FHIT: variants seen among roughly 807,000 people sequenced by gnomAD.
FHIT encodes the protein fragile histidine triad diadenosine triphosphatase, also known as bis(5'-adenosyl)-triphosphatase.
FHIT carries 19 observed loss-of-function variants against 17.9 expected under a neutral mutation model. That is an observed-to-expected ratio of 1.06 (90% CI 0.74 to 1.56). FHIT has a LOEUF of 1.56. Ranked by LOEUF, FHIT falls within the 40% of genes most tolerant of loss-of-function variation. The probability of loss-of-function intolerance (pLI) is 0.00; values close to 1 mark genes in which losing one functional copy is unlikely to be tolerated. For missense variants in FHIT, 248 were observed against 189.2 expected, an observed-to-expected ratio of 1.31 and a Z score of -1.82; for synonymous variants, 81 against 69.7, an observed-to-expected ratio of 1.16 and a Z score of -0.81.
At chr3:60,372,119 A>C (rs1037342754) in intron 5 of FHIT, among the ~76,000 whole-genome samples, 1 of 152,154 alleles carries the variant, frequency 6.6e-6, no homozygotes, top group African/African-American at 2.4e-5. Context: ...CTTTTACCCA[A>C]ATGGTCTCTG....
chr3:60,898,583 T>G (rs1269339409), intron 3 of FHIT, among the ~76,000 whole-genome samples: 1 of 152,190 alleles, frequency 6.6e-6, no homozygotes, highest in Non-Finnish European at 1.5e-5. Context: ...ATAAGCAAAT[T>G]TAGAACAAAA....
At chr3:60,354,755 T>A (rs533188151) in intron 5 of FHIT, among the ~76,000 whole-genome samples, 1 of 152,316 alleles carries the variant, frequency 6.6e-6, no homozygotes, top group South Asian at 2.1e-4. Flanking sequence ...TGATGGCTGA[T>A]TCTGCTTAAC....
intron 5 of FHIT, among the ~76,000 whole-genome samples, chr3:60,472,901 T>C (rs919903797): frequency 6.6e-6 from 1 of 152,092 alleles, no homozygotes; most frequent in African/African-American, 2.4e-5. Flanking sequence ...GAAAAACAAA[T>C]GCCTCAAATA....
At position 60,317,328 on chromosome 3, in the gene FHIT, T is replaced by C. The variant is rs117624733; in HGVS notation, c.103+219532A>G. On this transcript the variant is annotated intron_variant, in intron 5 of 9. Transcript: ENST00000492590. ...GATTCTATTCATCCTGGACTGACAA[T>C]TGTTATCTTTGTAATTGATAAATGA... Among the ~76,000 whole-genome samples the C allele has an allele frequency of 1.1e-3, 168 of 151,914 alleles. No homozygotes were observed. The East Asian group carries it at 0.018, about 16-fold the overall frequency.
chr3:60,260,934 G>C (rs1706260805), intron 5 of FHIT, among the ~76,000 whole-genome samples: 2 of 151,986 alleles, frequency 1.3e-5, no homozygotes, highest in South Asian at 4.1e-4. Context: ...AAATGCCATG[G>C]CAAAGTCTGG....
intron 5 of FHIT, among the ~76,000 whole-genome samples, chr3:60,248,485 A>G (rs1705519268): frequency 6.6e-6 from 1 of 152,142 alleles, no homozygotes; most frequent in South Asian, 2.1e-4. Flanking sequence ...TCAGAAAGAG[A>G]ACAAAGGAGA....
At chr3:60,712,399 A>C (rs1472972386) in intron 4 of FHIT, among the ~76,000 whole-genome samples, 1 of 152,090 alleles carries the variant, frequency 6.6e-6, no homozygotes, top group Admixed American at 6.5e-5. Context: ...TAACATCATA[A>C]TGACAGGATC....
chr3:60,027,937 C>G (rs1700822600), intron 5 of FHIT, among the ~76,000 whole-genome samples: 1 of 152,120 alleles, frequency 6.6e-6, no homozygotes, highest in African/African-American at 2.4e-5. Flanking sequence ...TGTAATCAAC[C>G]ATATTTAATT....
chr3:60,953,270 C>T (rs1553777764), intron 3 of FHIT, among the ~76,000 whole-genome samples: 1 of 152,152 alleles, frequency 6.6e-6, no homozygotes, highest in Non-Finnish European at 1.5e-5. Context: ...GTTTGCATGT[C>T]TGTCTTTCCA....
intron 5 of FHIT, among the ~76,000 whole-genome samples, chr3:60,022,741 T>C (rs541331706): frequency 6.6e-6 from 1 of 152,324 alleles, no homozygotes; most frequent in Non-Finnish European, 1.5e-5. Flanking sequence ...TTTATTAGTT[T>C]TGGCTGCCAC....
chr3:59,898,614 G>C (rs1248879016), intron 8 of FHIT, among the ~76,000 whole-genome samples: 1 of 152,118 alleles, frequency 6.6e-6, no homozygotes, highest in Non-Finnish European at 1.5e-5. Flanking sequence ...GCATCATTTA[G>C]ATAATAAATA....
Position 60,657,506 on chromosome 3 carries a change from G to C in FHIT, c.-17-120527C>G, listed in dbSNP as rs1169744831. ...GTCTGGCAGATAGTCAATGACTAAA[G>C]GAATCATCTAGTGGTGAAATGATGG... On this transcript the variant is annotated intron_variant, in intron 4 of 9. Coordinates refer to ENST00000492590, the MANE Select transcript of FHIT (RefSeq NM_002012.4). Among the ~76,000 whole-genome samples, 7 of 152,240 alleles carry C rather than the reference G, an allele frequency of 4.6e-5. No homozygotes were observed. In the East Asian group the frequency reaches 1.4e-3, roughly 29 times the overall value.
chr3:59,904,434 T>C (rs1459118019), intron 8 of FHIT, among the ~76,000 whole-genome samples: 1 of 152,062 alleles, frequency 6.6e-6, no homozygotes, highest in African/African-American at 2.4e-5. Context: ...CAGAAACAGA[T>C]TGGAGAAAGT....
At chr3:60,193,284 C>T (rs932783512) in intron 5 of FHIT, among the ~76,000 whole-genome samples, 3 of 152,018 alleles carry the variant, frequency 2.0e-5, no homozygotes, top group African/African-American at 4.8e-5. Context: ...GAAGACATGC[C>T]GAGGGACAGA....
chr3:60,475,893 C>T (rs1006268540), intron 5 of FHIT, among the ~76,000 whole-genome samples: 3 of 152,046 alleles, frequency 2.0e-5, no homozygotes, highest in East Asian at 1.9e-4. Flanking sequence ...TCCCCTTCAG[C>T]GTATCTTTTC....
intron 5 of FHIT, among the ~76,000 whole-genome samples, chr3:60,177,868 G>T (rs1240030041): frequency 2.6e-5 from 4 of 152,140 alleles, no homozygotes; most frequent in Non-Finnish European, 4.4e-5. Flanking sequence ...GGCTGGACTG[G>T]GTCAGTGCTG....
rs141648203 is a variant in FHIT, at chr3:60,321,729, G to T, written c.103+215131C>A. 2.4e-3 allele frequency among the ~76,000 whole-genome samples: 366 copies of T among 152,306 alleles called. 1 individual carries two copies. Among genetic ancestry groups the T allele is most frequent in the Non-Finnish European group, 4.1e-3 (280 of 68,026 alleles). On this transcript the variant is annotated intron_variant, in intron 5 of 9. Transcript: ENST00000492590. ...TAAATTGGGTGATGTATAAATAATAGAAATTTATTTTTCACAGTTCTGGAG... is the reference window on the plus strand; with the variant it reads ...TAAATTGGGTGATGTATAAATAATATAAATTTATTTTTCACAGTTCTGGAG...
At position 60,930,020 on chromosome 3, in the gene FHIT, T is replaced by G. The variant is rs543895716; in HGVS notation, c.-110-108009A>C. 3.3e-5 allele frequency among the ~76,000 whole-genome samples: 5 copies of G among 152,256 alleles called. No homozygotes were observed. The South Asian group carries it at 1.0e-3, about 32-fold the overall frequency. On this transcript the variant is annotated intron_variant, in intron 3 of 9. Coordinates refer to ENST00000492590, the MANE Select transcript of FHIT (RefSeq NM_002012.4). Reference sequence around the variant, plus strand: ...TGGTACTGGTACCAAAACAGAGATATTGACCAATGGAACAGAACAGAGCCC... The same window carrying G: ...TGGTACTGGTACCAAAACAGAGATAGTGACCAATGGAACAGAACAGAGCCC...
chr3:59,954,198 T>C (rs1707271909), intron 7 of FHIT, among the ~76,000 whole-genome samples: 1 of 150,984 alleles, frequency 6.6e-6, no homozygotes, highest in African/African-American at 2.4e-5. Context: ...GAACCCAGCA[T>C]TTTTCAGAAG....
Sources: gnomAD v4.1 joint callset for allele counts (sites outside exome capture counted in the v4.1 genomes callset) on GRCh38, gnomAD v4.1.1 for gene constraint, MANE v1.5 for transcripts, NCBI Gene and HGNC (gene_info 2026-07-23, HGNC 2026-07-21) for gene names.